The following ZNF503 variants were observed in gnomAD, a reference collection of about 807,000 sequenced individuals.
ZNF503 encodes the protein zinc finger protein 503, also known as NocA-like zinc finger 2.
Under a neutral mutation model 34.4 loss-of-function variants are expected in ZNF503, and 15 were observed. The observed-to-expected ratio is 0.44, with a 90% CI of 0.29 to 0.67. The LOEUF (loss-of-function observed/expected upper bound fraction) is 0.67, where lower values mean the gene tolerates loss of function less well. Among genes scored for constraint, ZNF503 ranks in the 30% least tolerant of loss-of-function variants. The pLI is 0.13. For missense variants in ZNF503, 1,007 were observed against 926.8 expected, an observed-to-expected ratio of 1.09 and a Z score of -1.12; for synonymous variants, 580 against 456.8, an observed-to-expected ratio of 1.27 and a Z score of -3.44.
At chr10:75,367,612 T>C in the ZNF503 span, among the ~76,000 whole-genome samples, 2 of 152,194 alleles carry the variant, frequency 1.3e-5, no homozygotes, top group East Asian at 1.9e-4. Flanking sequence ...ATATAACATA[T>C]AGGCTCAAAG....
At chr10:75,380,072 T>A in the ZNF503 span, among the ~76,000 whole-genome samples, 1 of 152,176 alleles carries the variant, frequency 6.6e-6, no homozygotes, top group Non-Finnish European at 1.5e-5. Context: ...GCTCACTCTA[T>A]GCCAAACCTG....
downstream of ZNF503, among the ~76,000 whole-genome samples, chr10:75,395,544 G>A (rs902222168): frequency 3.6e-4 from 55 of 152,224 alleles, no homozygotes; most frequent in African/African-American, 1.2e-3. This position sits in a 1 kb window ranked among gnomAD's most constrained non-coding sequence, Gnocchi z 4.4. Context: ...CGGCGCGCCG[G>A]GGATCCCGCG....
At chr10:75,331,261 G>C in the ZNF503 span, among the ~76,000 whole-genome samples, 1 of 152,222 alleles carries the variant, frequency 6.6e-6, no homozygotes, top group African/African-American at 2.4e-5. Flanking sequence ...CTGATGAAAA[G>C]AATATGCATT....
chr10:75,328,195 C>G, the ZNF503 span, among the ~76,000 whole-genome samples: 1 of 152,022 alleles, frequency 6.6e-6, no homozygotes, highest in Non-Finnish European at 1.5e-5. Flanking sequence ...GGAAGCATTT[C>G]CTTTATGTTT....
At chr10:75,340,861 A>G in the ZNF503 span, among the ~76,000 whole-genome samples, 8 of 152,202 alleles carry the variant, frequency 5.3e-5, no homozygotes, top group African/African-American at 1.2e-4. Flanking sequence ...TCGGCCTCCC[A>G]AAGTGCTGGG....
the ZNF503 span, among the ~76,000 whole-genome samples, chr10:75,349,938 C>T: frequency 6.6e-6 from 1 of 152,162 alleles, no homozygotes; most frequent in Non-Finnish European, 1.5e-5. Context: ...TGCTGCCAAC[C>T]CACTGAATCT....
the ZNF503 span, among the ~76,000 whole-genome samples, chr10:75,389,905 T>G: frequency 6.6e-6 from 1 of 152,178 alleles, no homozygotes; most frequent in East Asian, 1.9e-4. Context: ...TTTATTTTTA[T>G]TTTTTGAGAT....
At chr10:75,327,576 C>T in the ZNF503 span, among the ~76,000 whole-genome samples, 1 of 152,120 alleles carries the variant, frequency 6.6e-6, no homozygotes, top group Non-Finnish European at 1.5e-5. Flanking sequence ...TGCAGATAAT[C>T]TCTTTGACAT....
chr10:75,337,126 C>A, the ZNF503 span, among the ~76,000 whole-genome samples: 1 of 150,896 alleles, frequency 6.6e-6, no homozygotes, highest in African/African-American at 2.4e-5. Context: ...GAGTTTGAGA[C>A]CAGCCTGGGT....
chr10:75,386,918 G>A, the ZNF503 span, among the ~76,000 whole-genome samples: 8 of 152,248 alleles, frequency 5.3e-5, no homozygotes, highest in Non-Finnish European at 7.4e-5. Context: ...ATCACAGCCC[G>A]CCTTAAGGCA....
At chr10:75,293,644 TGCGTGTGTGTATGTGTGTGTGCGC>T in the ZNF503 span, among the ~76,000 whole-genome samples, 1 of 151,844 alleles carries the variant, frequency 6.6e-6, no homozygotes, top group African/African-American at 2.4e-5. Flanking sequence ...TCTGTGTGTG[TGCGTGTGTGTATGTGTGTGTGCGC>T]ATGTGTGTGT....
At chr10:75,372,632 G>A in the ZNF503 span, among the ~76,000 whole-genome samples, 368 of 152,272 alleles carry the variant, frequency 2.4e-3, 2 homozygotes, top group Admixed American at 4.3e-3. Flanking sequence ...CCAAACACTG[G>A]GAGCACTCAA....
chr10:75,334,377 G>A, the ZNF503 span, among the ~76,000 whole-genome samples: 1 of 152,224 alleles, frequency 6.6e-6, no homozygotes, highest in Non-Finnish European at 1.5e-5. Flanking sequence ...GAACTCCCAT[G>A]TATAAGTCAC....
At chr10:75,326,141 C>T in the ZNF503 span, among the ~76,000 whole-genome samples, 1 of 152,220 alleles carries the variant, frequency 6.6e-6, no homozygotes, top group African/African-American at 2.4e-5. Context: ...TTCCAATGTT[C>T]ATTGCCACTA....
the ZNF503 span, among the ~76,000 whole-genome samples, chr10:75,322,209 C>T: frequency 6.0e-5 from 9 of 151,206 alleles, no homozygotes; most frequent in Non-Finnish European, 1.0e-4. Flanking sequence ...CTGCAAACTC[C>T]GCCTCCTGGG....
the ZNF503 span, among the ~76,000 whole-genome samples, chr10:75,372,916 CAA>C: frequency 6.6e-6 from 1 of 152,270 alleles, no homozygotes; most frequent in Non-Finnish European, 1.5e-5. Context: ...CCAGAGAAGG[CAA>C]AGACCTTTTC....
the ZNF503 span, among the ~76,000 whole-genome samples, chr10:75,362,977 GTGAAAGC>G: frequency 6.6e-6 from 1 of 152,110 alleles, no homozygotes; most frequent in African/African-American, 2.4e-5. Context: ...ACCCCTGGGT[GTGAAAGC>G]TGCAAGGAAG....
the ZNF503 span, among the ~76,000 whole-genome samples, chr10:75,386,022 C>G: frequency 2.0e-5 from 3 of 152,212 alleles, no homozygotes; most frequent in African/African-American, 7.2e-5. Flanking sequence ...AGCCTGCTCT[C>G]CCTCTAGAAT....
the ZNF503 span, among the ~76,000 whole-genome samples, chr10:75,295,245 AG>A: frequency 6.6e-6 from 1 of 151,342 alleles, no homozygotes; most frequent in African/African-American, 2.4e-5. This position sits in a 1 kb window ranked among gnomAD's most constrained non-coding sequence, Gnocchi z 4.0. Context: ...AGGAGGAGGC[AG>A]GGGCGCGCCC....
Sources: allele counts gnomAD v4.1 joint callset (sites outside exome capture counted in the v4.1 genomes callset), GRCh38; gene constraint gnomAD v4.1.1; non-coding constraint Gnocchi (gnomAD v3.1); transcripts MANE v1.5; gene names NCBI Gene and HGNC (gene_info 2026-07-23, HGNC 2026-07-21).